The following FRAS1 variants were observed in gnomAD, a reference collection of about 807,000 sequenced individuals.
FRAS1 encodes extracellular matrix organizing protein FRAS1.
FRAS1 carries 290 observed loss-of-function variants against 435.2 expected under a neutral mutation model. The ratio of observed to expected loss-of-function variants is 0.67; its 90% CI spans 0.61 to 0.73. The LOEUF (loss-of-function observed/expected upper bound fraction) is 0.73. Ranked by LOEUF, FRAS1 falls within the 30% of genes least tolerant of loss-of-function variation. The pLI is 0.00. For missense variants in FRAS1, 4,860 were observed against 5,001.5 expected (o/e 0.97, Z 0.85); for synonymous variants, 1,800 against 1,851.0 (o/e 0.97, Z 0.71).
intron 9 of FRAS1, among the ~76,000 whole-genome samples, chr4:78,277,368 C>A (rs1727099716): frequency 6.6e-6 from 1 of 152,198 alleles, no homozygotes. Context: ...CCCAGTACCT[C>A]AGTTGGAAAT....
chr4:78,496,081 C>T (rs1185579912), intron 59 of FRAS1, among the ~76,000 whole-genome samples: 1 of 152,126 alleles, frequency 6.6e-6, no homozygotes, highest in Admixed American at 6.5e-5. Context: ...TAAAAATATC[C>T]TCCTTCACAT....
At chr4:78,503,831 T>C (rs930308241) in intron 61 of FRAS1, among the ~76,000 whole-genome samples, 2 of 152,224 alleles carry the variant, frequency 1.3e-5, no homozygotes, top group Non-Finnish European at 1.5e-5. Context: ...AGATCTCTCC[T>C]GCTTTCTCTT....
intron 2 of FRAS1, among the ~76,000 whole-genome samples, chr4:78,098,182 T>G (rs1489778443): frequency 1.3e-5 from 2 of 152,116 alleles, no homozygotes; most frequent in Admixed American, 6.6e-5. Flanking sequence ...CTCTTTTGCC[T>G]TTTTCCCCAT....
chr4:78,289,497 G>T (rs1727780843), intron 14 of FRAS1, among the ~76,000 whole-genome samples: 1 of 152,120 alleles, frequency 6.6e-6, no homozygotes. Context: ...ACCTAAACCG[G>T]AGACAGATGT....
intron 18 of FRAS1, among the ~76,000 whole-genome samples, chr4:78,329,586 G>C (rs1729859312): frequency 1.3e-5 from 2 of 152,212 alleles, no homozygotes; most frequent in South Asian, 4.1e-4. Context: ...TCTAATTAAT[G>C]ATTTAAGACA....
At chr4:78,097,961 G>A (rs1359383805) in intron 2 of FRAS1, among the ~76,000 whole-genome samples, 2 of 138,274 alleles carry the variant, frequency 1.4e-5, no homozygotes, top group Admixed American at 1.4e-4. Context: ...CAAAGAAAGA[G>A]GTCCTCAGAA....
intron 20 of FRAS1, among the ~76,000 whole-genome samples, chr4:78,338,445 C>T (rs381765): frequency 0.069 from 10,567 of 152,092 alleles, 701 homozygotes; most frequent in African/African-American, 0.18. Flanking sequence ...TACAGGAAAA[C>T]GATGAAGGAG....
At position 78,375,778 on chromosome 4, in the gene FRAS1, G is replaced by T. The variant is rs779286671; in HGVS notation, c.3191G>T (p.Arg1064Leu). The change falls in exon 26 of 74, where the codon CGT becomes CTT. Residue 1064 changes from arginine to leucine, a missense_variant. Physicochemically the swap from Arg to Leu is moderately radical, Grantham distance 102. Transcript: ENST00000512123. ...QGCLQCSHRD[R>L]CHLCDHGFFL... ...TGCTTGCAGTGCAGCCACAGGGACCGTTGTCACCTCTGTGACCATGGGTTC... is the reference window on the plus strand; with the variant it reads ...TGCTTGCAGTGCAGCCACAGGGACCTTTGTCACCTCTGTGACCATGGGTTC... 2.6e-5 allele frequency: 42 copies of T among 1,610,352 alleles called. No homozygotes were observed. In the East Asian group the frequency reaches 3.6e-4, roughly 14 times the overall value.
chr4:78,208,957 T>A (rs1723383801), intron 2 of FRAS1, among the ~76,000 whole-genome samples: 1 of 151,872 alleles, frequency 6.6e-6, no homozygotes, highest in Non-Finnish European at 1.5e-5. Flanking sequence ...GACAACAAAG[T>A]GAGACCCTGT....
chr4:78,128,411 C>A (rs201665119), intron 2 of FRAS1, among the ~76,000 whole-genome samples: 1 of 152,194 alleles, frequency 6.6e-6, no homozygotes, highest in Non-Finnish European at 1.5e-5. Flanking sequence ...CTCTCCAGCA[C>A]CTGTTGTTTC....
intron 2 of FRAS1, among the ~76,000 whole-genome samples, chr4:78,131,921 T>C (rs1300708057): frequency 6.6e-6 from 1 of 152,218 alleles, no homozygotes; most frequent in Non-Finnish European, 1.5e-5. Context: ...TGGATTTAAG[T>C]AGTTGCTGAT....
chr4:78,504,044 C>T (rs1412812607), intron 61 of FRAS1, among the ~76,000 whole-genome samples: 1 of 152,152 alleles, frequency 6.6e-6, no homozygotes, highest in Non-Finnish European at 1.5e-5. Context: ...TTTAGTTAAT[C>T]CCGAGTGTTA....
At chr4:78,275,654 C>A (rs1578222090) in intron 9 of FRAS1, among the ~76,000 whole-genome samples, 1 of 152,220 alleles carries the variant, frequency 6.6e-6, no homozygotes, top group Non-Finnish European at 1.5e-5. Context: ...CCACTCTCTT[C>A]TGGCTTGTAT....
intron 2 of FRAS1, among the ~76,000 whole-genome samples, chr4:78,149,215 A>G (rs1720543984): frequency 6.6e-6 from 1 of 152,186 alleles, no homozygotes; most frequent in Admixed American, 6.5e-5. Flanking sequence ...TGTTTTGGTT[A>G]CTAGACCCAG....
intron 2 of FRAS1, among the ~76,000 whole-genome samples, chr4:78,195,198 C>T (rs1458984099): frequency 1.3e-5 from 2 of 152,200 alleles, no homozygotes; most frequent in Non-Finnish European, 2.9e-5. Flanking sequence ...GGGTGCCTCG[C>T]AGTTAGGCTA....
intron 9 of FRAS1, 33 bp downstream of exon 9, chr4:78,267,465 T>C: frequency 1.9e-6 from 3 of 1,595,762 alleles, no homozygotes; most frequent in Non-Finnish European, 2.6e-6. Flanking sequence ...TTTGGAACGT[T>C]GCAGCTCTTT....
intron 69 of FRAS1, among the ~76,000 whole-genome samples, chr4:78,523,262 C>T (rs549331062): frequency 2.6e-5 from 4 of 152,278 alleles, no homozygotes; most frequent in African/African-American, 9.6e-5. Flanking sequence ...GGAACTTAGT[C>T]ACATGGCACA....
chr4:78,316,621 A>G (rs1270895993), intron 16 of FRAS1, among the ~76,000 whole-genome samples: 1 of 151,854 alleles, frequency 6.6e-6, no homozygotes, highest in Non-Finnish European at 1.5e-5. Context: ...CAGCCAGGCC[A>G]TGCCACCAGT....
At chr4:78,518,436 A>G (rs866324349) in intron 66 of FRAS1, among the ~76,000 whole-genome samples, 3,889 of 118,742 alleles carry the variant, frequency 0.033, 90 homozygotes, top group Non-Finnish European at 0.048. Context: ...ATATATATAT[A>G]TATATATATA....
Sources: gnomAD v4.1 joint callset for allele counts (sites outside exome capture counted in the v4.1 genomes callset) on GRCh38, gnomAD v4.1.1 for gene constraint, MANE v1.5 for transcripts, NCBI Gene and HGNC (gene_info 2026-07-23, HGNC 2026-07-21) for gene names.